The following ACTN4 variants were observed in gnomAD, a reference collection of about 807,000 sequenced individuals.
ACTN4 encodes the protein alpha-actinin-4.
In ACTN4, 18 loss-of-function variants were observed where a neutral mutation model predicts 114.2. That is an observed-to-expected ratio of 0.16 (90% CI 0.11 to 0.23). ACTN4 has a LOEUF of 0.23. Ranked by LOEUF, ACTN4 falls within the 10% of genes least tolerant of loss-of-function variation. ACTN4 has a pLI of 1.00. For synonymous variants in ACTN4, 515 were observed against 506.3 expected (o/e 1.02, Z -0.23); for missense variants, 722 against 1,262.9 (o/e 0.57, Z 6.49).
chr19:38,683,184 G>GT (rs1967632821), intron 1 of ACTN4, among the ~76,000 whole-genome samples: 1 of 152,168 alleles, frequency 6.6e-6, no homozygotes, highest in African/African-American at 2.4e-5. Flanking sequence ...GGTGCCAGCG[G>GT]TTTGGAGTGG....
At chr19:38,673,486 TTC>T (rs1388843734) in intron 1 of ACTN4, among the ~76,000 whole-genome samples, 4 of 105,670 alleles carry the variant, frequency 3.8e-5, no homozygotes, top group Middle Eastern at 4.3e-3. Context: ...TATATATATA[TTC>T]ATATATATTT....
intron 1 of ACTN4, among the ~76,000 whole-genome samples, chr19:38,670,966 T>C (rs530449834): frequency 1.3e-5 from 2 of 151,890 alleles, no homozygotes; most frequent in African/African-American, 4.8e-5. Context: ...ATAGGGCCTA[T>C]TGGGTGTGAA....
At chr19:38,715,905 T>A (rs1968823078) in intron 9 of ACTN4, among the ~76,000 whole-genome samples, 1 of 152,198 alleles carries the variant, frequency 6.6e-6, no homozygotes, top group Admixed American at 6.5e-5. Context: ...CTAGAATTGT[T>A]TTATTATTTT....
chr19:38,727,523 C>T lies in ACTN4; in HGVS notation c.2337+420C>T, dbSNP rs780592885. 1.6e-4 allele frequency among the ~76,000 whole-genome samples: 24 copies of T among 152,116 alleles called. No homozygotes were observed. The highest frequency in any genetic ancestry group is 2.1e-4 in the Non-Finnish European group (14 of 68,004). On this transcript the variant is annotated intron_variant, in intron 18 of 20. Coordinates refer to ENST00000252699, the MANE Select transcript of ACTN4 (RefSeq NM_004924.6). The surrounding 1 kb of genome is among the most constrained non-coding windows in gnomAD (Gnocchi z 5.4). ...GCTGCCATCCCCAGCCCACCCCTGC[C>T]GGGCTGACGGACTGAGAAGTGTGCA... is the stretch of plus-strand genomic sequence containing the variant.
intron 11 of ACTN4, among the ~76,000 whole-genome samples, chr19:38,719,930 A>G (rs570394477): frequency 6.6e-6 from 1 of 152,322 alleles, no homozygotes. Context: ...GCCAGGGCCC[A>G]GCTGGTTCAG....
intron 1 of ACTN4, among the ~76,000 whole-genome samples, chr19:38,657,396 G>A (rs1349905425): frequency 6.6e-6 from 1 of 152,102 alleles, no homozygotes; most frequent in African/African-American, 2.4e-5. Context: ...ACCCACCTTG[G>A]CCCAACAAAG....
intron 1 of ACTN4, among the ~76,000 whole-genome samples, chr19:38,690,410 G>A (rs1599803945): frequency 6.6e-6 from 1 of 152,314 alleles, no homozygotes; most frequent in South Asian, 2.1e-4. Flanking sequence ...GTTCCTGTGC[G>A]GCTCAGTGCT....
chr19:38,661,842 CG>C (rs1976896728), intron 1 of ACTN4, among the ~76,000 whole-genome samples: 1 of 152,084 alleles, frequency 6.6e-6, no homozygotes. Flanking sequence ...TTTGTAGAGA[CG>C]GGGTTTCACC....
intron 1 of ACTN4, among the ~76,000 whole-genome samples, chr19:38,696,584 C>T (rs983848037): frequency 2.0e-5 from 3 of 152,202 alleles, no homozygotes; most frequent in African/African-American, 7.2e-5. Context: ...CCAGTCTCTC[C>T]GCATGGAGAA....
intron 1 of ACTN4, among the ~76,000 whole-genome samples, chr19:38,662,727 G>A (rs1976925841): frequency 6.6e-6 from 1 of 152,174 alleles, no homozygotes; most frequent in Admixed American, 6.5e-5. Context: ...TCCATGGTGG[G>A]TGGCTTATTA....
At chr19:38,663,797 T>C (rs1976965353) in intron 1 of ACTN4, among the ~76,000 whole-genome samples, 1 of 152,162 alleles carries the variant, frequency 6.6e-6, no homozygotes, top group African/African-American at 2.4e-5. Flanking sequence ...TCGTTCTGGG[T>C]CCGTATCCAT....
intron 16 of ACTN4, among the ~76,000 whole-genome samples, chr19:38,725,019 C>T (rs149549605): frequency 1.3e-5 from 2 of 152,310 alleles, no homozygotes; most frequent in South Asian, 4.1e-4. Context: ...TTGTGAGACT[C>T]AGGCACTATT....
intron 1 of ACTN4, among the ~76,000 whole-genome samples, chr19:38,665,688 G>C (rs1017198664): frequency 6.6e-6 from 1 of 152,182 alleles, no homozygotes; most frequent in African/African-American, 2.4e-5. Flanking sequence ...GCATCCATCT[G>C]GGCCTCATTA....
chr19:38,716,445 C>T (rs113096121), intron 9 of ACTN4, among the ~76,000 whole-genome samples: 4 of 152,332 alleles, frequency 2.6e-5, no homozygotes, highest in Non-Finnish European at 4.4e-5. Context: ...GTGAAGACAG[C>T]GGCAGTGGGG....
At chr19:38,656,319 C>G (rs1568673996) in intron 1 of ACTN4, among the ~76,000 whole-genome samples, 1 of 152,072 alleles carries the variant, frequency 6.6e-6, no homozygotes, top group Admixed American at 6.6e-5. Context: ...GCTGTGTTGC[C>G]CAGTCTGGTC....
Position 38,729,920 on chromosome 19 carries a change from CCTCTCTG to C in ACTN4, c.*492_*498del, listed in dbSNP as rs1969425998. Reference sequence around the variant, plus strand: ...CTGGGGACCCACCCAGCCCCTCTCCCCTCTCTGCTCCAGACTCACTTGCCATTGCCAG... The same window carrying C: ...CTGGGGACCCACCCAGCCCCTCTCCCCTCCAGACTCACTTGCCATTGCCAG... On this transcript the variant is annotated 3_prime_UTR_variant, in exon 21 of 21. Coordinates refer to ENST00000252699, the MANE Select transcript of ACTN4 (RefSeq NM_004924.6). 2.9e-6 allele frequency: 1 copy of C among 350,032 alleles called. No individual in the cohort carries two copies. Among genetic ancestry groups the C allele is most frequent in the South Asian group, 2.1e-5 (1 of 47,030 alleles). 21.7% of individuals were successfully genotyped at this position (350,032 alleles called of 1,614,324 possible). A position where few individuals can be genotyped will look rare whatever the true frequency, so the allele number is the denominator to read the frequency against.
rs1197082470 is a variant in ACTN4 at position 38,647,742 on chromosome 19, C to T, written c.-4C>T. 25 of 1,541,520 alleles carry T rather than the reference C, an allele frequency of 1.6e-5. No individual in the cohort carries two copies. Among genetic ancestry groups the T allele is most frequent in the Non-Finnish European group, 2.1e-5 (24 of 1,145,340 alleles). On this transcript the variant is annotated 5_prime_UTR_variant, in exon 1 of 21. Transcript: ENST00000252699. Reference sequence around the variant, plus strand: ...AGGCTGGTGGGCGAGCGAGAGGCGGCGGAATGGTGGACTACCACGCGGCGA... The same window carrying T: ...AGGCTGGTGGGCGAGCGAGAGGCGGTGGAATGGTGGACTACCACGCGGCGA...
intron 1 of ACTN4, among the ~76,000 whole-genome samples, chr19:38,690,388 A>G (rs1238926127): frequency 6.6e-6 from 1 of 152,180 alleles, no homozygotes; most frequent in Admixed American, 6.5e-5. Flanking sequence ...TTCGGGCTAG[A>G]GGCTCGCCAT....
At chr19:38,668,596 G>C (rs1355880022) in intron 1 of ACTN4, among the ~76,000 whole-genome samples, 10 of 152,286 alleles carry the variant, frequency 6.6e-5, no homozygotes, top group Non-Finnish European at 1.3e-4. Context: ...TGAGGCAGGG[G>C]AATTGCTTGA....
Sources: allele counts gnomAD v4.1 joint callset (sites outside exome capture counted in the v4.1 genomes callset), GRCh38; gene constraint gnomAD v4.1.1; non-coding constraint Gnocchi (gnomAD v3.1); transcripts MANE v1.5; gene names NCBI Gene and HGNC (gene_info 2026-07-23, HGNC 2026-07-21).